RGS22: variants seen among roughly 807,000 people sequenced by gnomAD.
RGS22 encodes the protein regulator of G protein signaling 22.
Under a neutral mutation model 172.9 loss-of-function variants are expected in RGS22, and 148 were observed. The ratio of observed to expected loss-of-function variants is 0.86; its 90% CI spans 0.75 to 0.98. The LOEUF is 0.98. RGS22 is among the 50% of genes least tolerant of loss of function. The probability of loss-of-function intolerance (pLI) is 0.00; values close to 1 mark genes in which losing one functional copy is unlikely to be tolerated. For missense variants in RGS22, 1,347 were observed against 1,440.8 expected, an observed-to-expected ratio of 0.93 and a Z score of 1.05; for synonymous variants, 458 against 480.2, an observed-to-expected ratio of 0.95 and a Z score of 0.60.
intron 14 of RGS22, among the ~76,000 whole-genome samples, chr8:100,036,169 AC>A (rs1208298104): frequency 6.6e-6 from 1 of 151,750 alleles, no homozygotes; most frequent in East Asian, 1.9e-4. Context: ...AAAAAAAAAA[AC>A]TGTAGAACGA....
At chr8:99,969,967 A>G (rs1014750930) in intron 23 of RGS22, among the ~76,000 whole-genome samples, 1 of 152,344 alleles carries the variant, frequency 6.6e-6, no homozygotes, top group Non-Finnish European at 1.5e-5. Context: ...TCTAAAATCA[A>G]CAACATAATT....
intron 17 of RGS22, chr8:100,002,897 T>A (rs1815252063): frequency 6.5e-6 from 1 of 155,000 alleles, no homozygotes; most frequent in South Asian, 1.9e-4. Flanking sequence ...CCATCTCTAC[T>A]AAAAATAGAA....
chr8:99,997,648 T>A (rs1212907638), intron 19 of RGS22, among the ~76,000 whole-genome samples: 1 of 152,348 alleles, frequency 6.6e-6, no homozygotes, highest in East Asian at 1.9e-4. Flanking sequence ...TAATGGCATG[T>A]GGCTTTGCAT....
chr8:99,962,630 G>A (rs929916425), intron 26 of RGS22, 57 bp downstream of exon 26: 1 of 1,533,260 alleles, frequency 6.5e-7, no homozygotes, highest in Non-Finnish European at 8.9e-7. Flanking sequence ...CAGGTGAGAG[G>A]CAAAACTCCA....
chr8:100,088,110 C>A lies in RGS22; in HGVS notation c.117+5337G>T, dbSNP rs115297219. Among the ~76,000 whole-genome samples the A allele has an allele frequency of 2.5e-3, 374 of 152,136 alleles. 2 individuals carry two copies. Among genetic ancestry groups the A allele is most frequent in the African/African-American group, 8.5e-3 (355 of 41,522 alleles). ...ATACTCTCTCTTTCTCCCCACTGGC[C>A]CCCCACAACAGTCCATCTAGCATAT... On this transcript the variant is annotated intron_variant, in intron 3 of 27. Transcript: ENST00000360863.
chr8:100,073,304 C>T (rs1475932653), intron 4 of RGS22, among the ~76,000 whole-genome samples: 3 of 151,996 alleles, frequency 2.0e-5, no homozygotes. Flanking sequence ...AGAGTGTTGC[C>T]GACATCCAAT....
chr8:100,017,497 C>T (rs1239139414), intron 14 of RGS22, among the ~76,000 whole-genome samples: 2 of 152,032 alleles, frequency 1.3e-5, no homozygotes, highest in Non-Finnish European at 2.9e-5. Context: ...TTAGCCCATA[C>T]AATAAAATTA....
At chr8:100,021,659 T>A (rs1817613401) in intron 14 of RGS22, among the ~76,000 whole-genome samples, 1 of 152,002 alleles carries the variant, frequency 6.6e-6, no homozygotes, top group Admixed American at 6.6e-5. Flanking sequence ...AAAGAAACCA[T>A]ATTGCTGTAT....
chr8:100,051,495 T>A lies in RGS22; in HGVS notation c.1689+1307A>T, dbSNP rs1205087348. Among the ~76,000 whole-genome samples the A allele has an allele frequency of 1.1e-3, 70 of 63,074 alleles. 9 individuals are homozygous for A. Among genetic ancestry groups the A allele is most frequent in the African/African-American group, 4.3e-3 (70 of 16,420 alleles). 41.4% of individuals were successfully genotyped at this position (63,074 alleles called of 152,430 possible). ...ATATTATATATATTTATATATAATA[T>A]ATAATAAATATATATAAATATATTT... On this transcript the variant is annotated intron_variant, in intron 10 of 27. Coordinates refer to ENST00000360863, the MANE Select transcript of RGS22 (RefSeq NM_015668.5).
intron 20 of RGS22, 83 bp downstream of exon 20, chr8:99,996,379 T>G: frequency 8.4e-7 from 1 of 1,187,372 alleles, no homozygotes. Context: ...TCAGTGAGGA[T>G]TTTTGAACAA....
intron 3 of RGS22, among the ~76,000 whole-genome samples, chr8:100,092,686 T>G (rs778323226): frequency 3.3e-5 from 5 of 152,194 alleles, no homozygotes; most frequent in Non-Finnish European, 7.3e-5. Flanking sequence ...CTTCCAGAAC[T>G]GTGAGCCAAA....
intron 15 of RGS22, among the ~76,000 whole-genome samples, chr8:100,007,863 T>A (rs1485289402): frequency 4.7e-5 from 7 of 149,638 alleles, no homozygotes; most frequent in African/African-American, 4.9e-5. Context: ...AAAAAAAAAA[T>A]TCAAGTGGGT....
intron 11 of RGS22, 72 bp downstream of exon 11, chr8:100,047,391 G>T (rs1298994986): frequency 1.7e-5 from 23 of 1,369,418 alleles, no homozygotes; most frequent in Non-Finnish European, 6.9e-6. Flanking sequence ...TTTAATTTCT[G>T]TTTAGTTTTT....
At chr8:100,091,651 A>T (rs1347480593) in intron 3 of RGS22, among the ~76,000 whole-genome samples, 1 of 152,238 alleles carries the variant, frequency 6.6e-6, no homozygotes, top group African/African-American at 2.4e-5. Context: ...TGTAATCACA[A>T]ATCCCAAGAC....
At chr8:99,962,538 G>T in intron 26 of RGS22, 95 bp from the exon 27 acceptor site, 1 of 1,454,478 alleles carries the variant, frequency 6.9e-7, no homozygotes, top group Non-Finnish European at 9.6e-7. Flanking sequence ...TCACACACAC[G>T]GAGAAATTCT....
At chr8:100,075,747 G>C (rs575488690) in intron 4 of RGS22, among the ~76,000 whole-genome samples, 35 of 152,292 alleles carry the variant, frequency 2.3e-4, no homozygotes, top group African/African-American at 8.2e-4. Context: ...ATACCTAGAA[G>C]TGGCATTTCT....
At chr8:99,970,215 A>G (rs567555722) in intron 23 of RGS22, among the ~76,000 whole-genome samples, 16 of 152,156 alleles carry the variant, frequency 1.1e-4, no homozygotes, top group African/African-American at 3.9e-4. Context: ...CCAGAATCTC[A>G]GGGACACAGC....
chr8:99,974,795 C>CAAAAA (rs796385179), intron 23 of RGS22, among the ~76,000 whole-genome samples: 1 of 116,092 alleles, frequency 8.6e-6, no homozygotes, highest in African/African-American at 3.0e-5. Flanking sequence ...AAGACTCTGT[C>CAAAAA]AAAAAAAAAA....
chr8:99,977,249 G>A (rs1445323416), intron 23 of RGS22, among the ~76,000 whole-genome samples: 3 of 149,954 alleles, frequency 2.0e-5, no homozygotes, highest in Admixed American at 6.7e-5. Flanking sequence ...GACTACAGGC[G>A]CAAGCTGCCA....
Sources: gnomAD v4.1 joint callset for allele counts (sites outside exome capture counted in the v4.1 genomes callset) on GRCh38, gnomAD v4.1.1 for gene constraint, MANE v1.5 for transcripts, NCBI Gene and HGNC (gene_info 2026-07-23, HGNC 2026-07-21) for gene names.